TRIM33: variants seen among roughly 807,000 people sequenced by gnomAD.
TRIM33 encodes the protein tripartite motif containing 33.
In TRIM33, 20 loss-of-function variants were observed where a neutral mutation model predicts 125.4. That is an observed-to-expected ratio of 0.16 (90% CI 0.11 to 0.23). The LOEUF is 0.23. Ranked by LOEUF, TRIM33 falls within the 10% of genes least tolerant of loss-of-function variation. The probability of loss-of-function intolerance (pLI) is 1.00; values close to 1 mark genes in which losing one functional copy is unlikely to be tolerated. For missense variants in TRIM33, 920 were observed against 1,411.4 expected (o/e 0.65, Z 5.58); for synonymous variants, 564 against 513.9 (o/e 1.10, Z -1.32).
chr1:114,443,072 CT>C (rs775765622), intron 4 of TRIM33, among the ~76,000 whole-genome samples: 492 of 143,950 alleles, frequency 3.4e-3, no homozygotes, highest in Non-Finnish European at 3.6e-3. Flanking sequence ...TCCTCTCTCC[CT>C]TTTTTTTTTT....
intron 5 of TRIM33, among the ~76,000 whole-genome samples, chr1:114,431,838 G>T (rs1449822703): frequency 6.6e-6 from 1 of 152,128 alleles, no homozygotes; most frequent in Non-Finnish European, 1.5e-5. Flanking sequence ...GTGAGTGGAA[G>T]ATATTTTTAA....
At chr1:114,447,746 T>C (rs574404190) in intron 4 of TRIM33, among the ~76,000 whole-genome samples, 2 of 152,298 alleles carry the variant, frequency 1.3e-5, no homozygotes, top group East Asian at 3.9e-4. Context: ...ATGAAAACAA[T>C]GTGTTCTTCT....
intron 4 of TRIM33, among the ~76,000 whole-genome samples, chr1:114,446,446 T>C (rs1211219683): frequency 1.3e-5 from 2 of 152,214 alleles, no homozygotes; most frequent in East Asian, 1.9e-4. Flanking sequence ...GTACAAAGGA[T>C]AGTAATTGAG....
rs1247080353 is a variant in TRIM33, at chr1:114,430,836, T to G, written c.1117A>C (p.Ile373Leu). 6.2e-7 allele frequency: 1 copy of G among 1,609,106 alleles called. No homozygotes were observed. The highest frequency in any genetic ancestry group is 8.5e-7 in the Non-Finnish European group (1 of 1,175,658). The change falls in exon 6 of 20, where the codon ATT becomes CTT. Residue 373 changes from isoleucine to leucine, a missense_variant. Ile to Leu is a conservative substitution (Grantham distance 5). Transcript: ENST00000358465. ...KVAIFTLINE[I>L]NKKGKSLLQQ... ...AAGAGAGATTTTCCTTTCTTATTAA[T>G]TTCATTGATAAGGGTGAAAATGGCC...
intron 4 of TRIM33, among the ~76,000 whole-genome samples, chr1:114,444,237 A>AC (rs1178627400): frequency 6.6e-6 from 1 of 152,136 alleles, no homozygotes; most frequent in African/African-American, 2.4e-5. Flanking sequence ...GAGGGTAGAT[A>AC]GAGGGAAGAG....
At chr1:114,483,222 G>C (rs1210712561) in intron 1 of TRIM33, among the ~76,000 whole-genome samples, 1 of 151,972 alleles carries the variant, frequency 6.6e-6, no homozygotes, top group African/African-American at 2.4e-5. Flanking sequence ...CAAGAGGACT[G>C]CTTGAGCCTA....
chr1:114,405,273 T>C (rs1652160907), intron 15 of TRIM33, 137 bp downstream of exon 15: 2 of 644,984 alleles, frequency 3.1e-6, no homozygotes, highest in African/African-American at 1.8e-5. Flanking sequence ...TGGAAGCTAA[T>C]ACCAAAAGAA....
chr1:114,479,176 A>G (rs1404511449), intron 1 of TRIM33, among the ~76,000 whole-genome samples: 1 of 152,242 alleles, frequency 6.6e-6, no homozygotes, highest in African/African-American at 2.4e-5. Context: ...AAACCAGTAG[A>G]ACAATGTCAA....
At chr1:114,405,248 T>C (rs1481728829) in intron 15 of TRIM33, 162 bp downstream of exon 15, 1 of 592,340 alleles carries the variant, frequency 1.7e-6, no homozygotes, top group Non-Finnish European at 3.0e-6. Flanking sequence ...TTAGATATTT[T>C]ATTGTTAGTT....
rs532151930 is a variant in TRIM33, at chr1:114,490,100, A to G, written c.526+20451T>C. On this transcript the variant is annotated intron_variant, in intron 1 of 19. Coordinates refer to ENST00000358465, the MANE Select transcript of TRIM33 (RefSeq NM_015906.4). ...ACTCCGTCTCAAAAAAAAAAAAAAA[A>G]AAAAGAAAAGGAAAGGAAAGAAAAA... Among the ~76,000 whole-genome samples the G allele has an allele frequency of 3.5e-3, 495 of 142,088 alleles. 6 individuals are homozygous for G. Among genetic ancestry groups the G allele is most frequent in the South Asian group, 0.012 (57 of 4,682 alleles). The allele number at this position is 142,088 out of a possible 152,430, so 93.2% of individuals were successfully genotyped here. A position where few individuals can be genotyped will look rare whatever the true frequency, so the allele number is the denominator to read the frequency against.
chr1:114,418,810 C>T (rs1210419102), intron 11 of TRIM33, among the ~76,000 whole-genome samples: 3 of 152,042 alleles, frequency 2.0e-5, no homozygotes, highest in Non-Finnish European at 4.4e-5. Context: ...CACCCAGAAG[C>T]GATTCAGCAA....
At chr1:114,398,925 A>C (rs569224597) in intron 18 of TRIM33, among the ~76,000 whole-genome samples, 2,946 of 147,304 alleles carry the variant, frequency 0.02, 61 homozygotes, top group Non-Finnish European at 0.028. Flanking sequence ...ACAAAACAAA[A>C]CAAAACAAAA....
At chr1:114,401,214 T>G (rs1651864649) in intron 17 of TRIM33, among the ~76,000 whole-genome samples, 175 bp downstream of exon 17, 2 of 151,892 alleles carry the variant, frequency 1.3e-5, no homozygotes, top group Admixed American at 6.6e-5. Context: ...TTTTTTGTAT[T>G]TTTAGTAGAC....
intron 4 of TRIM33, among the ~76,000 whole-genome samples, chr1:114,446,916 A>G (rs1005915256): frequency 6.6e-6 from 1 of 152,086 alleles, no homozygotes; most frequent in Non-Finnish European, 1.5e-5. Context: ...AATTAGCTGT[A>G]TGTGGTCTCA....
chr1:114,434,001 C>T (rs925209728), intron 4 of TRIM33, among the ~76,000 whole-genome samples: 16 of 152,112 alleles, frequency 1.1e-4, no homozygotes, highest in Non-Finnish European at 1.8e-4. Flanking sequence ...AGGATTACAT[C>T]TTTTTAAAAA....
At chr1:114,450,401 A>G (rs1271806660) in intron 4 of TRIM33, among the ~76,000 whole-genome samples, 2 of 152,154 alleles carry the variant, frequency 1.3e-5, no homozygotes, top group Non-Finnish European at 2.9e-5. Flanking sequence ...GCATGATCTC[A>G]GCTTACTGCA....
intron 1 of TRIM33, among the ~76,000 whole-genome samples, chr1:114,498,126 C>CAA (rs71090785): frequency 0.35 from 25,475 of 73,770 alleles, 3,678 homozygotes; most frequent in Non-Finnish European, 0.38. Flanking sequence ...GACTCTGTCT[C>CAA]AAAAAAAAAA....
At chr1:114,436,362 A>G (rs1648296058) in intron 4 of TRIM33, among the ~76,000 whole-genome samples, 1 of 138,940 alleles carries the variant, frequency 7.2e-6, no homozygotes, top group Non-Finnish European at 1.5e-5. Context: ...AGATCACACT[A>G]CTGCACTCCA....
At chr1:114,452,233 G>C (rs919161972) in intron 4 of TRIM33, among the ~76,000 whole-genome samples, 2 of 152,078 alleles carry the variant, frequency 1.3e-5, no homozygotes, top group Non-Finnish European at 2.9e-5. Flanking sequence ...CAGCACTGGT[G>C]GGCGGATCAC....
Sources: gnomAD v4.1 joint callset for allele counts (sites outside exome capture counted in the v4.1 genomes callset) on GRCh38, gnomAD v4.1.1 for gene constraint, MANE v1.5 for transcripts, NCBI Gene and HGNC (gene_info 2026-07-23, HGNC 2026-07-21) for gene names.